Variants in NADSYN1 observed in about 807,000 individuals in gnomAD.
NADSYN1 encodes glutamine-dependent NAD(+) synthetase.
A neutral mutation model predicts 99.3 loss-of-function variants in NADSYN1; 80 were observed. The observed-to-expected ratio is 0.81, with a 90% CI of 0.67 to 0.97. The LOEUF is 0.97. Among genes scored for constraint, NADSYN1 ranks in the 50% least tolerant of loss-of-function variants. NADSYN1 has a pLI of 0.00. For missense variants in NADSYN1, 859 were observed against 948.5 expected, an observed-to-expected ratio of 0.91 and a Z score of 1.24; for synonymous variants, 385 against 372.1, an observed-to-expected ratio of 1.03 and a Z score of -0.40.
intron 1 of NADSYN1, among the ~76,000 whole-genome samples, chr11:71,454,737 G>A (rs952582796): frequency 3.9e-5 from 6 of 152,168 alleles, no homozygotes; most frequent in South Asian, 2.1e-4. Flanking sequence ...CCTCTAGATG[G>A]TGTTGGGCAT....
intron 15 of NADSYN1, chr11:71,484,672 G>A (rs1949730641): frequency 1.7e-6 from 1 of 589,376 alleles, no homozygotes; most frequent in East Asian, 3.1e-5. Context: ...GTGTGTTGGT[G>A]CATGAGCATG....
At chr11:71,453,402 G>T (rs754951770) in intron 1 of NADSYN1, 21 bp downstream of exon 1, 1 of 1,604,930 alleles carries the variant, frequency 6.2e-7, no homozygotes, top group East Asian at 2.3e-5. Context: ...GGCGGCGGGG[G>T]CACCGGTTTG....
At chr11:71,500,373 G>A (rs1949849336) in intron 20 of NADSYN1, among the ~76,000 whole-genome samples, 1 of 48,840 alleles carries the variant, frequency 2.0e-5, no homozygotes, top group South Asian at 3.6e-4. Flanking sequence ...TCTACATCTG[G>A]GACCGTTGAC....
intron 7 of NADSYN1, 97 bp downstream of exon 7, chr11:71,473,463 C>T (rs532302033): frequency 1.2e-5 from 19 of 1,536,464 alleles, no homozygotes; most frequent in South Asian, 4.5e-5. Flanking sequence ...TGGCCGTGGC[C>T]GTGGCCGTGG....
chr11:71,491,962 G>T (rs1949782672), intron 18 of NADSYN1, 59 bp downstream of exon 18: 6 of 1,519,048 alleles, frequency 3.9e-6, no homozygotes, highest in Non-Finnish European at 5.4e-6. Context: ...CCTGTGTGGT[G>T]GTGCTGGCTC....
intron 11 of NADSYN1, 141 bp from the exon 12 acceptor site, chr11:71,481,215 G>C: frequency 1.2e-6 from 1 of 818,646 alleles, no homozygotes; most frequent in Non-Finnish European, 2.0e-6. Flanking sequence ...TTCTCACGAG[G>C]TGCCTAAAGC....
intron 3 of NADSYN1, chr11:71,459,755 C>T (rs1034359714): frequency 5.2e-5 from 8 of 152,448 alleles, no homozygotes; most frequent in African/African-American, 1.4e-4. Flanking sequence ...TCCTGCCACT[C>T]GCGTGCGACC....
intron 3 of NADSYN1, among the ~76,000 whole-genome samples, chr11:71,463,096 G>A (rs1949561062): frequency 6.6e-6 from 1 of 152,184 alleles, no homozygotes; most frequent in Non-Finnish European, 1.5e-5. Context: ...CCTCAGGTTA[G>A]CATAAGGCAA....
chr11:71,472,576 G>T (rs1949634492), intron 6 of NADSYN1, 76 bp downstream of exon 6: 2 of 1,347,566 alleles, frequency 1.5e-6, no homozygotes, highest in Non-Finnish European at 2.1e-6. Flanking sequence ...AGGTGGGGCG[G>T]GAACGCTTTG....
chr11:71,464,203 TTGGGTCCTGATCA>T (rs2120415720), intron 5 of NADSYN1, 61 bp downstream of exon 5: 1 of 1,369,326 alleles, frequency 7.3e-7, no homozygotes, highest in East Asian at 2.5e-5. Context: ...GTGTGTAGCC[TTGGGTCCTGATCA>T]TGGGAGTGTT....
At chr11:71,456,908 A>C (rs991644781) in intron 2 of NADSYN1, among the ~76,000 whole-genome samples, 2 of 152,218 alleles carry the variant, frequency 1.3e-5, no homozygotes, top group African/African-American at 4.8e-5. Context: ...GAGGTCCAGC[A>C]CCTGATACAC....
At position 71,474,505 on chromosome 11, in the gene NADSYN1, C is replaced by T. The variant is rs1949651247; in HGVS notation, c.777C>T (p.Ser259=). 1.2e-6 allele frequency: 2 copies of T among 1,614,084 alleles called. No individual in the cohort carries two copies. Among genetic ancestry groups the T allele is most frequent in the Non-Finnish European group, 8.5e-7 (1 of 1,180,028 alleles). The part of the protein sequence containing the change: ...AMNGSVFAQG[S]QFSLDDVEVL... Reference sequence around the variant, plus strand: ...ACGGAAGCGTCTTTGCTCAAGGATCCCAGTTTTCTCTGGATGACGTGGTAA... The same window carrying T: ...ACGGAAGCGTCTTTGCTCAAGGATCTCAGTTTTCTCTGGATGACGTGGTAA... The change falls in exon 9 of 21, where the codon TCC becomes TCT. Residue 259 remains serine, a synonymous_variant. Transcript: ENST00000319023.
rs540831251 is a variant in NADSYN1, at chr11:71,460,576, T to C, written c.263+2032T>C. 5 of 152,320 alleles carry C rather than the reference T, an allele frequency of 3.3e-5. No homozygotes were observed. The East Asian group carries it at 9.6e-4, about 29-fold the overall frequency. The allele number at this position is 152,320 out of a possible 1,614,324, so 9.4% of individuals were successfully genotyped here. A position where few individuals can be genotyped will look rare whatever the true frequency, so the allele number is the denominator to read the frequency against. On this transcript the variant is annotated intron_variant, in intron 3 of 20. Coordinates refer to ENST00000319023, the MANE Select transcript of NADSYN1 (RefSeq NM_018161.5). Reference sequence around the variant, plus strand: ...CGCTATGTTGCCCAGGCTGGTTCTTTTTGGGTTTTGCCTTTTGTTGGTTCA... The same window carrying C: ...CGCTATGTTGCCCAGGCTGGTTCTTCTTGGGTTTTGCCTTTTGTTGGTTCA...
At chr11:71,492,597 T>A (rs902992402) in intron 18 of NADSYN1, among the ~76,000 whole-genome samples, 1 of 152,160 alleles carries the variant, frequency 6.6e-6, no homozygotes, top group African/African-American at 2.4e-5. Flanking sequence ...GACACTCAAT[T>A]CTGTTCCATA....
intron 8 of NADSYN1, among the ~76,000 whole-genome samples, chr11:71,474,070 C>T (rs529412950): frequency 1.9e-4 from 29 of 152,376 alleles, no homozygotes; most frequent in African/African-American, 6.0e-4. Flanking sequence ...CTAGCTGAGC[C>T]GCGTTTGAGT....
chr11:71,489,715 G>C lies in NADSYN1; in HGVS notation c.1563-1130G>C, dbSNP rs57174491. On this transcript the variant is annotated intron_variant, in intron 16 of 20. Coordinates refer to ENST00000319023, the MANE Select transcript of NADSYN1 (RefSeq NM_018161.5). The stretch of plus-strand genomic sequence containing the variant: ...TCACCTGTCCCTCTGTTGGGACCCT[G>C]GGGGTCTTACACCCCCGACATTGCA... Among the ~76,000 whole-genome samples, 388 of 152,342 alleles carry C rather than the reference G, an allele frequency of 2.5e-3. 10 individuals carry two copies. In the East Asian group the frequency reaches 0.06, roughly 24 times the overall value.
intron 16 of NADSYN1, among the ~76,000 whole-genome samples, chr11:71,488,854 G>GT (rs1444620067): frequency 3.3e-5 from 5 of 152,094 alleles, no homozygotes; most frequent in Admixed American, 6.6e-5. Context: ...GTCTCCATTT[G>GT]TTTATTTGCC....
At chr11:71,485,504 G>T (rs1473663717) in intron 15 of NADSYN1, 38 bp from the exon 16 acceptor site, 4 of 1,494,536 alleles carry the variant, frequency 2.7e-6, no homozygotes, top group Non-Finnish European at 3.6e-6. Context: ...GTGTTCCTTT[G>T]CAAGGGAACC....
chr11:71,484,362 T>C lies in NADSYN1; in HGVS notation c.1370T>C (p.Ile457Thr), dbSNP rs1267033399. Residue 457 changes from isoleucine to threonine, a missense_variant, in exon 15 of 21, where the codon ATC (isoleucine) becomes ACC (threonine). Coordinates refer to ENST00000319023, the MANE Select transcript of NADSYN1 (RefSeq NM_018161.5). ...CCAGCCGTGAAGGCCGTCATGGGCATCTTCAGCCTGGTGACGGGGAAGAGC... is the reference window on the plus strand; with the variant it reads ...CCAGCCGTGAAGGCCGTCATGGGCACCTTCAGCCTGGTGACGGGGAAGAGC... ...IDPAVKAVMG[I>T]FSLVTGKSPL... The C allele has an allele frequency of 6.2e-7, 1 of 1,614,216 alleles. No individual in the cohort carries two copies. The highest frequency in any genetic ancestry group is 1.7e-5 in the Admixed American group (1 of 60,036).
Sources: gnomAD v4.1 joint callset for allele counts (sites outside exome capture counted in the v4.1 genomes callset) on GRCh38, gnomAD v4.1.1 for gene constraint, MANE v1.5 for transcripts, NCBI Gene and HGNC (gene_info 2026-07-23, HGNC 2026-07-21) for gene names.